The following CTIF variants were observed in gnomAD, a reference collection of about 807,000 sequenced individuals.
CTIF encodes the protein CBP80/20-dependent translation initiation factor.
Under a neutral mutation model 66.0 loss-of-function variants are expected in CTIF, and 21 were observed. That is an observed-to-expected ratio of 0.32 (90% CI 0.23 to 0.46). The LOEUF (loss-of-function observed/expected upper bound fraction) is 0.46. Ranked by LOEUF, CTIF falls within the 20% of genes least tolerant of loss-of-function variation. The pLI is 1.00. For synonymous variants in CTIF, 345 were observed against 326.4 expected (o/e 1.06, Z -0.62); for missense variants, 739 against 812.7 (o/e 0.91, Z 1.10).
chr18:48,658,655 T>C (rs1402403236), intron 3 of CTIF, among the ~76,000 whole-genome samples: 1 of 152,128 alleles, frequency 6.6e-6, no homozygotes, highest in Non-Finnish European at 1.5e-5. Flanking sequence ...TATGTGGATG[T>C]GTGTGGATGT....
chr18:48,615,704 G>A (rs965216722), intron 1 of CTIF, among the ~76,000 whole-genome samples: 1 of 152,236 alleles, frequency 6.6e-6, no homozygotes, highest in Non-Finnish European at 1.5e-5. Context: ...TCATACTCCG[G>A]GTTGCAGGTG....
At chr18:48,653,597 A>C (rs1017334452) in intron 3 of CTIF, among the ~76,000 whole-genome samples, 7 of 152,198 alleles carry the variant, frequency 4.6e-5, no homozygotes, top group Non-Finnish European at 8.8e-5. Context: ...GCTACCAATG[A>C]CTTTCTTCAC....
chr18:48,670,631 G>A lies in CTIF; in HGVS notation c.432-38G>A, dbSNP rs780467818. 2.5e-6 allele frequency: 4 copies of A among 1,581,400 alleles called. No individual in the cohort carries two copies. In the African/African-American group the frequency reaches 5.4e-5, roughly 21 times the overall value. Reference sequence around the variant, plus strand: ...CGGATGGGACAGGAGGCATGAATGAGCCATCTTTCCAATGCCTTTCTGTCT... The same window carrying A: ...CGGATGGGACAGGAGGCATGAATGAACCATCTTTCCAATGCCTTTCTGTCT... On this transcript the variant is annotated intron_variant, in intron 5 of 11. Coordinates refer to ENST00000256413, the MANE Select transcript of CTIF (RefSeq NM_014772.3).
chr18:48,554,060 G>A lies in CTIF; in HGVS notation c.-29+14748G>A, dbSNP rs148934838. 3.7e-3 allele frequency among the ~76,000 whole-genome samples: 568 copies of A among 152,292 alleles called. 3 individuals are homozygous for A. Among genetic ancestry groups the A allele is most frequent in the African/African-American group, 0.013 (546 of 41,580 alleles). On this transcript the variant is annotated intron_variant, in intron 1 of 11. Transcript: ENST00000256413. Reference sequence around the variant, plus strand: ...AAGAGGCCTGCAGATTGCAGTGGGTGAAGAGGCTGTGCACACCCAGCTGCT... The same window carrying A: ...AAGAGGCCTGCAGATTGCAGTGGGTAAAGAGGCTGTGCACACCCAGCTGCT...
At chr18:48,760,090 A>G (rs1441579027) in intron 8 of CTIF, 3 of 151,624 alleles carry the variant, frequency 2.0e-5, no homozygotes, top group African/African-American at 7.3e-5. Flanking sequence ...TGTTAACTTT[A>G]CCCAGGGACT....
chr18:48,840,308 G>C (rs1284875913), intron 10 of CTIF, among the ~76,000 whole-genome samples: 2 of 152,222 alleles, frequency 1.3e-5, no homozygotes, highest in African/African-American at 2.4e-5. Flanking sequence ...GCCCAGAGCA[G>C]AAGTGGCCCA....
intron 9 of CTIF, among the ~76,000 whole-genome samples, chr18:48,781,542 G>A: frequency 6.6e-6 from 1 of 152,180 alleles, no homozygotes; most frequent in East Asian, 1.9e-4. Flanking sequence ...TGCCGGCGAG[G>A]GTGGCTGGAG....
intron 7 of CTIF, among the ~76,000 whole-genome samples, chr18:48,740,381 T>C (rs549606972): frequency 7.9e-4 from 121 of 152,278 alleles, no homozygotes; most frequent in African/African-American, 2.8e-3. Context: ...AACCTAACTT[T>C]CCAGAACCTC....
chr18:48,695,516 A>G (rs180846022), intron 6 of CTIF, among the ~76,000 whole-genome samples: 17 of 152,346 alleles, frequency 1.1e-4, no homozygotes, highest in Admixed American at 1.1e-3. Context: ...CTTTGATGTT[A>G]GAGAACTGAG....
intron 11 of CTIF, 25 bp downstream of exon 11, chr18:48,857,666 C>T: frequency 1.3e-6 from 2 of 1,593,678 alleles, no homozygotes; most frequent in South Asian, 2.3e-5. Flanking sequence ...TTCGACATCC[C>T]CAACCTCAAA....
intron 8 of CTIF, among the ~76,000 whole-genome samples, chr18:48,758,864 G>A (rs1304773443): frequency 2.0e-5 from 3 of 152,208 alleles, no homozygotes; most frequent in Admixed American, 6.5e-5. Flanking sequence ...AGAATGGGGA[G>A]CAGAGGTGAG....
At chr18:48,624,542 A>T (rs1383934519) in intron 2 of CTIF, among the ~76,000 whole-genome samples, 1 of 152,206 alleles carries the variant, frequency 6.6e-6, no homozygotes, top group African/African-American at 2.4e-5. Flanking sequence ...ATTTTGGCAC[A>T]TGTGATGTTC....
At chr18:48,609,533 C>G (rs1443779868) in intron 1 of CTIF, among the ~76,000 whole-genome samples, 1 of 152,194 alleles carries the variant, frequency 6.6e-6, no homozygotes, top group Non-Finnish European at 1.5e-5. Context: ...GTGGCACTTT[C>G]ACCATCAGCC....
intron 9 of CTIF, among the ~76,000 whole-genome samples, chr18:48,782,368 G>A (rs1468821631): frequency 1.3e-5 from 2 of 152,146 alleles, no homozygotes; most frequent in Non-Finnish European, 2.9e-5. Flanking sequence ...GATGGGGGCA[G>A]CACTCTGTTT....
At chr18:48,669,321 A>T (rs989998050) in intron 5 of CTIF, among the ~76,000 whole-genome samples, 1 of 152,190 alleles carries the variant, frequency 6.6e-6, no homozygotes, top group African/African-American at 2.4e-5. Context: ...CTCATGGGAC[A>T]TCTCTCACCA....
At chr18:48,542,205 G>T (rs558361727) in intron 1 of CTIF, among the ~76,000 whole-genome samples, 1 of 152,372 alleles carries the variant, frequency 6.6e-6, no homozygotes, top group South Asian at 2.1e-4. Flanking sequence ...ATAATTTGCT[G>T]TTGGTGAATG....
chr18:48,730,063 C>G (rs534064379), intron 7 of CTIF, among the ~76,000 whole-genome samples: 204 of 152,316 alleles, frequency 1.3e-3, no homozygotes, highest in Non-Finnish European at 2.1e-3. Context: ...GCAGTCACCA[C>G]GAGCTGCCTG....
At chr18:48,651,304 A>G (rs920758229) in intron 3 of CTIF, among the ~76,000 whole-genome samples, 1 of 152,234 alleles carries the variant, frequency 6.6e-6, no homozygotes, top group Non-Finnish European at 1.5e-5. Context: ...AGGAAGATCT[A>G]TCAAGCAAAT....
chr18:48,613,499 G>A (rs554581360), intron 1 of CTIF, among the ~76,000 whole-genome samples: 2 of 152,292 alleles, frequency 1.3e-5, no homozygotes, highest in South Asian at 4.1e-4. Flanking sequence ...TGCGTCTAGG[G>A]TGGGGAGGGG....
Sources: gnomAD v4.1 joint callset for allele counts (sites outside exome capture counted in the v4.1 genomes callset) on GRCh38, gnomAD v4.1.1 for gene constraint, MANE v1.5 for transcripts, NCBI Gene and HGNC (gene_info 2026-07-23, HGNC 2026-07-21) for gene names.